The following SCHIP1 variants were observed in gnomAD, a reference collection of about 807,000 sequenced individuals.
SCHIP1 encodes schwannomin interacting protein 1.
Under a neutral mutation model 29.7 loss-of-function variants are expected in SCHIP1, and 8 were observed. The ratio of observed to expected loss-of-function variants is 0.27; its 90% CI spans 0.16 to 0.49. SCHIP1 has a LOEUF of 0.49. SCHIP1 is among the 20% of genes least tolerant of loss of function. The pLI, the probability that SCHIP1 is intolerant of heterozygous loss-of-function variation, is 0.99. For missense variants in SCHIP1, 193 were observed against 294.6 expected (o/e 0.66, Z 2.52); for synonymous variants, 76 against 94.9 (o/e 0.80, Z 1.16).
At chr3:159,816,140 G>A in the SCHIP1 span, among the ~76,000 whole-genome samples, 31 of 152,044 alleles carry the variant, frequency 2.0e-4, no homozygotes, top group South Asian at 6.2e-3. Context: ...GTAGAGACAG[G>A]ATTTCATCAT....
chr3:159,708,920 C>A, the SCHIP1 span, among the ~76,000 whole-genome samples: 2 of 152,206 alleles, frequency 1.3e-5, no homozygotes, highest in African/African-American at 4.8e-5. Context: ...ACTCTTACAT[C>A]TCTCTTCTCC....
chr3:159,598,974 CT>C, the SCHIP1 span, among the ~76,000 whole-genome samples: 5,743 of 151,930 alleles, frequency 0.038, 263 homozygotes, highest in East Asian at 0.17. Flanking sequence ...ACATTCTTTG[CT>C]TTTTTTTACT....
the SCHIP1 span, among the ~76,000 whole-genome samples, chr3:159,762,148 C>T: frequency 6.6e-6 from 1 of 152,182 alleles, no homozygotes; most frequent in Non-Finnish European, 1.5e-5. Flanking sequence ...GGCTCCACAG[C>T]AATCTCAAAA....
the SCHIP1 span, among the ~76,000 whole-genome samples, chr3:159,749,350 G>A: frequency 2.7e-5 from 4 of 150,606 alleles, no homozygotes; most frequent in East Asian, 3.9e-4. Flanking sequence ...CCCCCATCTC[G>A]AAAGAGAATT....
the SCHIP1 span, among the ~76,000 whole-genome samples, chr3:159,597,513 G>T: frequency 6.6e-6 from 1 of 152,232 alleles, no homozygotes; most frequent in East Asian, 1.9e-4. Context: ...CCACATGTAA[G>T]TGAGAACATG....
chr3:159,312,899 C>G, the SCHIP1 span, among the ~76,000 whole-genome samples: 2 of 152,176 alleles, frequency 1.3e-5, no homozygotes, highest in African/African-American at 4.8e-5. Flanking sequence ...AACAGATAAT[C>G]AATAGTCAGC....
the SCHIP1 span, among the ~76,000 whole-genome samples, chr3:159,762,721 A>G: frequency 1.9e-3 from 297 of 152,342 alleles, no homozygotes; most frequent in East Asian, 0.016. Context: ...TGATGCATCT[A>G]TGTTTTTCCA....
the SCHIP1 span, among the ~76,000 whole-genome samples, chr3:159,592,180 AT>A: frequency 2.6e-5 from 4 of 152,090 alleles, no homozygotes; most frequent in South Asian, 8.3e-4. Flanking sequence ...CTGAACTGAA[AT>A]GGGATCTTTT....
the SCHIP1 span, among the ~76,000 whole-genome samples, chr3:159,445,578 G>A: frequency 2.6e-5 from 4 of 152,056 alleles, no homozygotes; most frequent in Non-Finnish European, 4.4e-5. Flanking sequence ...ACATGTACAC[G>A]TATGTTTATT....
the SCHIP1 span, among the ~76,000 whole-genome samples, chr3:159,590,959 C>T: frequency 2.0e-5 from 3 of 151,918 alleles, no homozygotes; most frequent in East Asian, 1.9e-4. Context: ...ATTTTTATTC[C>T]ACCTCCCATT....
chr3:159,605,889 A>T, the SCHIP1 span, among the ~76,000 whole-genome samples: 1 of 152,102 alleles, frequency 6.6e-6, no homozygotes, highest in African/African-American at 2.4e-5. Flanking sequence ...TCCTGGAAAA[A>T]CAATAAGAGT....
chr3:159,505,075 G>T, the SCHIP1 span, among the ~76,000 whole-genome samples: 1 of 152,140 alleles, frequency 6.6e-6, no homozygotes, highest in African/African-American at 2.4e-5. Context: ...AGCAAGGTGC[G>T]TTTGCTCATA....
chr3:159,378,498 T>C, the SCHIP1 span, among the ~76,000 whole-genome samples: 3 of 152,248 alleles, frequency 2.0e-5, no homozygotes, highest in African/African-American at 7.2e-5. Context: ...ATCTCATCTC[T>C]GACCAATCGC....
chr3:159,346,735 T>C, the SCHIP1 span, among the ~76,000 whole-genome samples: 1 of 152,132 alleles, frequency 6.6e-6, no homozygotes, highest in Admixed American at 6.5e-5. Flanking sequence ...GTGTGGTCAG[T>C]GGCATTTGTG....
At chr3:159,482,182 C>A in the SCHIP1 span, among the ~76,000 whole-genome samples, 9 of 152,124 alleles carry the variant, frequency 5.9e-5, no homozygotes, top group African/African-American at 2.2e-4. Flanking sequence ...TATGTTGGGA[C>A]AAGGTAGCTT....
chr3:159,451,473 TAACTA>T, the SCHIP1 span, among the ~76,000 whole-genome samples: 1 of 152,250 alleles, frequency 6.6e-6, no homozygotes. Flanking sequence ...ATTTTAGGTT[TAACTA>T]AACAGTCAAT....
the SCHIP1 span, among the ~76,000 whole-genome samples, chr3:159,629,958 T>C: frequency 6.6e-6 from 1 of 152,110 alleles, no homozygotes; most frequent in East Asian, 1.9e-4. Flanking sequence ...AAGCAGGAAC[T>C]TATCAACTCT....
chr3:159,330,209 A>T, the SCHIP1 span, among the ~76,000 whole-genome samples: 3 of 152,180 alleles, frequency 2.0e-5, no homozygotes, highest in African/African-American at 7.2e-5. Flanking sequence ...CTTGATTTTT[A>T]ATGTAGACAT....
chr3:159,699,726 A>G, the SCHIP1 span, among the ~76,000 whole-genome samples: 1 of 152,214 alleles, frequency 6.6e-6, no homozygotes, highest in Non-Finnish European at 1.5e-5. Context: ...AAGATGAGGT[A>G]TGACAGGATT....
Sources: allele counts gnomAD v4.1 joint callset (sites outside exome capture counted in the v4.1 genomes callset), GRCh38; gene constraint gnomAD v4.1.1; transcripts MANE v1.5; gene names NCBI Gene and HGNC (gene_info 2026-07-23, HGNC 2026-07-21).